Variants in LINGO2 observed in about 807,000 individuals in gnomAD.
LINGO2 encodes leucine rich repeat and Ig domain containing 2, also known as leucine-rich repeat and immunoglobulin-like domain-containing nogo receptor-interacting protein 2.
LINGO2 carries 14 observed loss-of-function variants against 30.6 expected under a neutral mutation model. The observed-to-expected ratio is 0.46, with a 90% CI of 0.30 to 0.72. The LOEUF (loss-of-function observed/expected upper bound fraction) is 0.72, where lower values mean the gene tolerates loss of function less well. Ranked by LOEUF, LINGO2 falls within the 30% of genes least tolerant of loss-of-function variation. The probability of loss-of-function intolerance (pLI) is 0.07; values close to 1 mark genes in which losing one functional copy is unlikely to be tolerated. For missense variants in LINGO2, 729 were observed against 751.7 expected, an observed-to-expected ratio of 0.97 and a Z score of 0.35; for synonymous variants, 317 against 288.5, an observed-to-expected ratio of 1.10 and a Z score of -1.00.
the LINGO2 span, among the ~76,000 whole-genome samples, chr9:29,184,110 T>C: frequency 6.6e-6 from 1 of 152,128 alleles, no homozygotes; most frequent in Non-Finnish European, 1.5e-5. Flanking sequence ...GTATATACTT[T>C]CATATGGAAA....
At chr9:29,024,558 G>A in the LINGO2 span, among the ~76,000 whole-genome samples, 1 of 152,006 alleles carries the variant, frequency 6.6e-6, no homozygotes, top group Non-Finnish European at 1.5e-5. Context: ...ATATTTTATT[G>A]ATACTAAATG....
intron 1 of LINGO2, among the ~76,000 whole-genome samples, chr9:28,495,191 T>A (rs1407157214): frequency 1.3e-5 from 2 of 151,638 alleles, no homozygotes; most frequent in Non-Finnish European, 2.9e-5. Context: ...GATGGTAGTT[T>A]TTCTACTGTG....
At chr9:28,561,927 C>T (rs1196739553) in intron 1 of LINGO2, among the ~76,000 whole-genome samples, 3 of 151,296 alleles carry the variant, frequency 2.0e-5, no homozygotes, top group Admixed American at 1.3e-4. Flanking sequence ...ATGAGCACTC[C>T]AGCTCTCTGC....
chr9:28,506,515 T>TATAGATATCTAG lies in LINGO2; in HGVS notation c.-364-30491_-364-30490insCTAGATATCTAT, dbSNP rs368408569. 6.0e-5 allele frequency among the ~76,000 whole-genome samples: 6 copies of TATAGATATCTAG among 100,604 alleles called. 1 individual carries two copies. The highest frequency in any genetic ancestry group is 1.2e-4 in the Non-Finnish European group (6 of 49,648). The allele number at this position is 100,604 out of a possible 152,430, so 66.0% of individuals were successfully genotyped here. A position where few individuals can be genotyped will look rare whatever the true frequency, so the allele number is the denominator to read the frequency against. On this transcript the variant is annotated intron_variant, in intron 1 of 5. Transcript: ENST00000379992. Reference sequence around the variant, plus strand: ...ACACACACACACAGACATATATATATATATATAAACTGTTGGGGACTAAGT... The same window carrying TATAGATATCTAG: ...ACACACACACACAGACATATATATATATAGATATCTAGATATATAAACTGTTGGGGACTAAGT...
At chr9:29,202,796 C>T in the LINGO2 span, among the ~76,000 whole-genome samples, 8 of 152,004 alleles carry the variant, frequency 5.3e-5, no homozygotes, top group Non-Finnish European at 1.0e-4. Flanking sequence ...GTAAAACCCA[C>T]AGTAAGCATT....
At chr9:28,655,905 C>T (rs1317768910) in intron 1 of LINGO2, among the ~76,000 whole-genome samples, 3 of 152,032 alleles carry the variant, frequency 2.0e-5, no homozygotes, top group Non-Finnish European at 2.9e-5. Context: ...TTATTAGCAA[C>T]GTGAGAACAG....
chr9:28,279,089 G>T (rs1278723592), intron 4 of LINGO2, among the ~76,000 whole-genome samples: 1 of 152,124 alleles, frequency 6.6e-6, no homozygotes, highest in Middle Eastern at 3.2e-3. Context: ...TAGAAGTAAA[G>T]GTAGATCCTG....
Position 28,583,927 on chromosome 9 carries a change from C to A in LINGO2, c.-365+86273G>T, listed in dbSNP as rs1032682729. ...TGGATTAACATCATTATCAATCACA[C>A]ATTGGTGAGAGATCATGGAAGTGGG... On this transcript the variant is annotated intron_variant, in intron 1 of 5. Transcript: ENST00000379992. 2.4e-4 allele frequency among the ~76,000 whole-genome samples: 37 copies of A among 151,962 alleles called. 1 individual carries two copies. The highest frequency in any genetic ancestry group is 4.8e-5 in the African/African-American group (2 of 41,412).
chr9:28,353,005 G>A (rs1223334802), intron 3 of LINGO2, among the ~76,000 whole-genome samples: 2 of 150,336 alleles, frequency 1.3e-5, no homozygotes, highest in Non-Finnish European at 3.0e-5. Flanking sequence ...ATCAATTCAA[G>A]ATGGATTAAA....
chr9:28,152,258 G>T (rs1459335703), intron 4 of LINGO2, among the ~76,000 whole-genome samples: 1 of 151,996 alleles, frequency 6.6e-6, no homozygotes, highest in East Asian at 1.9e-4. Context: ...CACTGTGTTA[G>T]CTCCTAAGAA....
At chr9:28,374,739 C>T (rs1326898121) in intron 2 of LINGO2, among the ~76,000 whole-genome samples, 1 of 152,082 alleles carries the variant, frequency 6.6e-6, no homozygotes, top group East Asian at 1.9e-4. Flanking sequence ...TTTCAATATT[C>T]TATAATAACC....
Position 28,291,513 on chromosome 9 carries a change from C to T in LINGO2, c.-87+3695G>A, listed in dbSNP as rs73645633. Among the ~76,000 whole-genome samples the T allele has an allele frequency of 2.8e-3, 429 of 152,198 alleles. 3 individuals carry two copies. The highest frequency in any genetic ancestry group is 9.9e-3 in the African/African-American group (412 of 41,516). On this transcript the variant is annotated intron_variant, in intron 4 of 5. Coordinates refer to ENST00000379992, the Ensembl canonical transcript of LINGO2. ...CCGTATGGAAGTTATAGTCTAATAG[C>T]TGCCAAGAGTTTTTTTAAAAGAACC...
intron 4 of LINGO2, among the ~76,000 whole-genome samples, chr9:28,021,318 C>G (rs950830458): frequency 1.3e-5 from 2 of 152,034 alleles, no homozygotes; most frequent in African/African-American, 4.8e-5. Context: ...TTCTAGCTGT[C>G]TTTCTGTTAT....
chr9:29,073,241 C>G, the LINGO2 span, among the ~76,000 whole-genome samples: 5 of 151,874 alleles, frequency 3.3e-5, no homozygotes, highest in African/African-American at 1.2e-4. Context: ...GTTTCATTTG[C>G]TAAGATAAAG....
At chr9:28,372,487 G>A (rs1246457104) in intron 3 of LINGO2, among the ~76,000 whole-genome samples, 1 of 152,154 alleles carries the variant, frequency 6.6e-6, no homozygotes, top group Admixed American at 6.5e-5. Flanking sequence ...GAATAGAATG[G>A]TGGTTATAGA....
At chr9:28,762,531 G>A in the LINGO2 span, among the ~76,000 whole-genome samples, 1 of 152,008 alleles carries the variant, frequency 6.6e-6, no homozygotes, top group African/African-American at 2.4e-5. Flanking sequence ...TAAGGAGGGT[G>A]TACACACAAG....
At chr9:29,016,220 C>A in the LINGO2 span, among the ~76,000 whole-genome samples, 1 of 152,150 alleles carries the variant, frequency 6.6e-6, no homozygotes, top group Non-Finnish European at 1.5e-5. Context: ...AGTACTCATT[C>A]ATTTCCCTTA....
At chr9:28,963,626 AG>A in the LINGO2 span, among the ~76,000 whole-genome samples, 3 of 151,726 alleles carry the variant, frequency 2.0e-5, no homozygotes, top group African/African-American at 4.8e-5. Flanking sequence ...TGTCATTTGC[AG>A]CAACATGGAT....
chr9:28,626,491 A>C (rs1281054446), intron 1 of LINGO2, among the ~76,000 whole-genome samples: 1 of 152,028 alleles, frequency 6.6e-6, no homozygotes, highest in African/African-American at 2.4e-5. Flanking sequence ...ACTCATAAAG[A>C]TTTTTCTCTT....
Sources: allele counts gnomAD v4.1 joint callset (sites outside exome capture counted in the v4.1 genomes callset), GRCh38; gene constraint gnomAD v4.1.1; transcripts MANE v1.5; gene names NCBI Gene and HGNC (gene_info 2026-07-23, HGNC 2026-07-21).